RBFOX3: variants seen among roughly 807,000 people sequenced by gnomAD.
The protein encoded by RBFOX3 is RNA binding protein fox-1 homolog 3.
In RBFOX3, 17 loss-of-function variants were observed where a neutral mutation model predicts 48.7. The ratio of observed to expected loss-of-function variants is 0.35; its 90% CI spans 0.24 to 0.52. The LOEUF (loss-of-function observed/expected upper bound fraction) is 0.52, where lower values mean the gene tolerates loss of function less well. Among genes scored for constraint, RBFOX3 ranks in the 20% least tolerant of loss-of-function variants. The pLI is 0.94. For missense variants in RBFOX3, 382 were observed against 497.5 expected (o/e 0.77, Z 2.21); for synonymous variants, 212 against 209.5 (o/e 1.01, Z -0.10).
chr17:79,140,434 T>C (rs958710236), intron 4 of RBFOX3, among the ~76,000 whole-genome samples: 8 of 152,370 alleles, frequency 5.3e-5, no homozygotes, highest in Middle Eastern at 3.4e-3. Flanking sequence ...ATCACACACC[T>C]GTCTCCAGGT....
chr17:79,271,942 G>T (rs1306734873), intron 3 of RBFOX3, among the ~76,000 whole-genome samples: 1 of 152,228 alleles, frequency 6.6e-6, no homozygotes, highest in Non-Finnish European at 1.5e-5. Flanking sequence ...GCCGGCCACA[G>T]AGGGCCGGCC....
intron 3 of RBFOX3, among the ~76,000 whole-genome samples, chr17:79,246,625 A>C (rs12600591): frequency 0.051 from 7,723 of 152,230 alleles, 504 homozygotes; most frequent in African/African-American, 0.15. Context: ...CCGGGTGTGG[A>C]GAGCCAGCCT....
At chr17:79,394,457 GT>G (rs1442763173) in intron 2 of RBFOX3, among the ~76,000 whole-genome samples, 1 of 152,114 alleles carries the variant, frequency 6.6e-6, no homozygotes, top group Non-Finnish European at 1.5e-5. Context: ...TGGCTTCTAT[GT>G]CCACCCTAGG....
intron 4 of RBFOX3, among the ~76,000 whole-genome samples, chr17:79,175,328 G>A (rs2050296367): frequency 6.6e-6 from 1 of 152,242 alleles, no homozygotes; most frequent in South Asian, 2.1e-4. Context: ...TAGGCCACCA[G>A]GCTGGTCACC....
At chr17:79,611,195 C>CGCTCTCGCTCTCGCTCTCCGCCCTCCT (rs2093966268), upstream of RBFOX3, among the ~76,000 whole-genome samples, 1 of 132,568 alleles carries the variant, frequency 7.5e-6, no homozygotes, top group Non-Finnish European at 1.6e-5. Flanking sequence ...CTCTCTCTCT[C>CGCTCTCGCTCTCGCTCTCCGCCCTCCT]TCTCTCTCTC....
Position 79,477,463 on chromosome 17 carries a change from G to A in RBFOX3, c.-175+4991C>T, listed in dbSNP as rs1308013622. Among the ~76,000 whole-genome samples, 11 of 151,902 alleles carry A rather than the reference G, an allele frequency of 7.2e-5. No homozygotes were observed. The highest frequency in any genetic ancestry group is 7.2e-4 in the Admixed American group (11 of 15,260). On this transcript the variant is annotated intron_variant, in intron 2 of 14. Transcript: ENST00000693108. This position sits in a 1 kb window ranked among gnomAD's most constrained non-coding sequence, Gnocchi z 4.8. ...CCCAGCTACTTGGGAGGCTGAGGCA[G>A]GAGAATGGCGTGAACCCGGGAGGCG...
In RBFOX3 at chr17:79,150,934, C is replaced by T. The variant is rs192594874; in HGVS notation, c.-33-35186G>A. Among the ~76,000 whole-genome samples, 293 of 152,324 alleles carry T rather than the reference C, an allele frequency of 1.9e-3. 1 individual carries two copies. Among genetic ancestry groups the T allele is most frequent in the Admixed American group, 3.4e-3 (52 of 15,306 alleles). On this transcript the variant is annotated intron_variant, in intron 4 of 14. Transcript: ENST00000693108. Reference sequence around the variant, plus strand: ...CTGCGAGGGAGCCTCAGTTGGGCAACGAGCCTGGCTTGCTGCCTGCCACAG... The same window carrying T: ...CTGCGAGGGAGCCTCAGTTGGGCAATGAGCCTGGCTTGCTGCCTGCCACAG...
At position 79,200,003 on chromosome 17, in the gene RBFOX3, G is replaced by A. The variant is rs1340427979; in HGVS notation, c.-34+35763C>T. Among the ~76,000 whole-genome samples, 4 of 151,870 alleles carry A rather than the reference G, an allele frequency of 2.6e-5. No individual in the cohort carries two copies. In the South Asian group the frequency reaches 8.3e-4, roughly 32 times the overall value. ...TGGTGAAACTCCGTCTCTACCAAAAGTACAAAAAAATTAGCTAGGTGTGGT... is the reference window on the plus strand; with the variant it reads ...TGGTGAAACTCCGTCTCTACCAAAAATACAAAAAAATTAGCTAGGTGTGGT... On this transcript the variant is annotated intron_variant, in intron 4 of 14. Transcript: ENST00000693108.
intron 3 of RBFOX3, among the ~76,000 whole-genome samples, chr17:79,263,786 C>G (rs2066201499): frequency 1.3e-5 from 2 of 152,152 alleles, no homozygotes; most frequent in African/African-American, 2.4e-5. Flanking sequence ...AACGATGTCC[C>G]CAAGAAGGTA....
At chr17:79,218,030 G>A (rs1183824218) in intron 4 of RBFOX3, among the ~76,000 whole-genome samples, 1 of 152,140 alleles carries the variant, frequency 6.6e-6, no homozygotes, top group Non-Finnish European at 1.5e-5. Flanking sequence ...GGTAGAGGGA[G>A]GCAGGACCCA....
At chr17:79,484,231 C>T (rs1381491844) in intron 1 of RBFOX3, among the ~76,000 whole-genome samples, 3 of 152,180 alleles carry the variant, frequency 2.0e-5, no homozygotes, top group Non-Finnish European at 4.4e-5. Context: ...TCCTAAAATC[C>T]AGTCACTGGA....
chr17:79,541,515 C>G (rs78023224), intron 1 of RBFOX3, among the ~76,000 whole-genome samples: 7,466 of 152,284 alleles, frequency 0.049, 421 homozygotes, highest in African/African-American at 0.14. Context: ...CCTGTCCCTC[C>G]GGAGGAAGCA....
Position 79,212,803 on chromosome 17 carries a change from T to C in RBFOX3, c.-34+22963A>G, listed in dbSNP as rs1469279029. 6.6e-6 allele frequency among the ~76,000 whole-genome samples: 1 copy of C among 152,072 alleles called. No individual in the cohort carries two copies. Among genetic ancestry groups the C allele is most frequent in the Non-Finnish European group, 1.5e-5 (1 of 68,008 alleles). ...TGGCTCTAAACAGAAGCCAGGCCCA[T>C]TCTCTCCCTTAGGGGACCCAGACAA... On this transcript the variant is annotated intron_variant, in intron 4 of 14. Coordinates refer to ENST00000693108, the MANE Select transcript of RBFOX3 (RefSeq NM_001350451.2). This position sits in a 1 kb window ranked among gnomAD's most constrained non-coding sequence, Gnocchi z 4.7.
intron 1 of RBFOX3, among the ~76,000 whole-genome samples, chr17:79,556,722 A>C (rs2091788213): frequency 6.6e-6 from 1 of 152,246 alleles, no homozygotes; most frequent in Non-Finnish European, 1.5e-5. Context: ...AAAATAAGCA[A>C]ATATCTGAGA....
rs182563618 is a variant in RBFOX3, at chr17:79,544,527, C to G, written c.-319-61929G>C. Among the ~76,000 whole-genome samples the G allele has an allele frequency of 2.0e-3, 298 of 152,140 alleles. 1 individual carries two copies. The highest frequency in any genetic ancestry group is 6.5e-3 in the South Asian group (31 of 4,806). ...GCGCAGAAGGATCAGGAGCCCCCATCAAGGCTTGGAGAAGTCCACTCCTCC... is the reference window on the plus strand; with the variant it reads ...GCGCAGAAGGATCAGGAGCCCCCATGAAGGCTTGGAGAAGTCCACTCCTCC... On this transcript the variant is annotated intron_variant, in intron 1 of 14. Transcript: ENST00000693108.
At chr17:79,641,190 G>A in the RBFOX3 span, among the ~76,000 whole-genome samples, 14 of 152,282 alleles carry the variant, frequency 9.2e-5, no homozygotes, top group Admixed American at 3.3e-4. Flanking sequence ...TGGCCAATAG[G>A]TATATGAAAA....
At chr17:79,194,824 G>GA (rs2055247182) in intron 4 of RBFOX3, among the ~76,000 whole-genome samples, 2 of 151,662 alleles carry the variant, frequency 1.3e-5, no homozygotes, top group African/African-American at 2.4e-5. Context: ...TAAAAAGAGT[G>GA]AAAAAATAGT....
chr17:79,585,544 C>T (rs1324380155), intron 1 of RBFOX3, among the ~76,000 whole-genome samples: 2 of 151,820 alleles, frequency 1.3e-5, no homozygotes, highest in Non-Finnish European at 2.9e-5. Context: ...GCGACAACAG[C>T]GAGACTCCTT....
At chr17:79,283,591 C>A (rs116043942) in intron 3 of RBFOX3, among the ~76,000 whole-genome samples, 1 of 152,206 alleles carries the variant, frequency 6.6e-6, no homozygotes, top group Non-Finnish European at 1.5e-5. Flanking sequence ...TAAAAGTACA[C>A]GGAATCATGG....
Sources: gnomAD v4.1 joint callset for allele counts (sites outside exome capture counted in the v4.1 genomes callset) on GRCh38, gnomAD v4.1.1 for gene constraint, Gnocchi (gnomAD v3.1) non-coding constraint, MANE v1.5 for transcripts, NCBI Gene and HGNC (gene_info 2026-07-23, HGNC 2026-07-21) for gene names.